TMEM132D: variants seen among roughly 807,000 people sequenced by gnomAD.
TMEM132D encodes the protein transmembrane protein 132D, also known as mature OL transmembrane protein.
In TMEM132D, 21 loss-of-function variants were observed where a neutral mutation model predicts 62.3. That is an observed-to-expected ratio of 0.34 (90% CI 0.24 to 0.49). The LOEUF is 0.49. Among genes scored for constraint, TMEM132D ranks in the 20% least tolerant of loss-of-function variants. The pLI is 0.99. For missense variants in TMEM132D, 1,346 were observed against 1,402.8 expected, an observed-to-expected ratio of 0.96 and a Z score of 0.65; for synonymous variants, 621 against 575.6, an observed-to-expected ratio of 1.08 and a Z score of -1.13.
At chr12:129,853,520 A>G (rs1423926890) in intron 1 of TMEM132D, 1 of 152,154 alleles carries the variant, frequency 6.6e-6, no homozygotes, top group Non-Finnish European at 1.5e-5. Context: ...TTTAGTCTAA[A>G]GCTTCTTCCC....
chr12:129,391,135 T>C (rs140998796), intron 3 of TMEM132D, among the ~76,000 whole-genome samples: 1 of 152,386 alleles, frequency 6.6e-6, no homozygotes, highest in Non-Finnish European at 1.5e-5. Context: ...GTTAATGCAC[T>C]TCTTGCAATT....
At chr12:129,318,999 C>G (rs369447111) in intron 4 of TMEM132D, among the ~76,000 whole-genome samples, 2 of 152,192 alleles carry the variant, frequency 1.3e-5, no homozygotes, top group Non-Finnish European at 2.9e-5. Flanking sequence ...TGTCTCCAGG[C>G]GGAGGGTGAG....
intron 1 of TMEM132D, among the ~76,000 whole-genome samples, chr12:129,842,008 G>T (rs1443455432): frequency 1.4e-5 from 2 of 148,010 alleles, no homozygotes; most frequent in Non-Finnish European, 3.0e-5. Context: ...TCGGCTCACT[G>T]CAAGCTCTGC....
At chr12:129,796,720 G>A (rs957901727) in intron 1 of TMEM132D, among the ~76,000 whole-genome samples, 4 of 152,208 alleles carry the variant, frequency 2.6e-5, no homozygotes, top group African/African-American at 7.2e-5. Context: ...CACACACCAG[G>A]GCCTGTTGGA....
At chr12:129,613,236 C>T (rs911166248) in intron 2 of TMEM132D, among the ~76,000 whole-genome samples, 2 of 152,008 alleles carry the variant, frequency 1.3e-5, no homozygotes, top group Admixed American at 1.3e-4. Context: ...TTAGAAAGCA[C>T]CTGACTTCTA....
At chr12:129,710,560 C>G (rs551627461) in intron 1 of TMEM132D, among the ~76,000 whole-genome samples, 17 of 152,242 alleles carry the variant, frequency 1.1e-4, no homozygotes, top group African/African-American at 3.9e-4. Context: ...GCTTCCTAAG[C>G]TGCTGGGATT....
rs539624444 is a variant in TMEM132D, at chr12:129,306,274, T to C, written c.1299+31360A>G. 2.0e-4 allele frequency among the ~76,000 whole-genome samples: 31 copies of C among 152,340 alleles called. No homozygotes were observed. In the South Asian group the frequency reaches 5.8e-3, roughly 29 times the overall value. Reference sequence around the variant, plus strand: ...AAATTAAGAAAGTTTGATAATATTATCTCATTTGTAGATGAAGAAATTCAA... The same window carrying C: ...AAATTAAGAAAGTTTGATAATATTACCTCATTTGTAGATGAAGAAATTCAA... On this transcript the variant is annotated intron_variant, in intron 4 of 8. Coordinates refer to ENST00000422113, the MANE Select transcript of TMEM132D (RefSeq NM_133448.3).
chr12:129,546,766 A>G (rs1357160807), intron 2 of TMEM132D, among the ~76,000 whole-genome samples: 1 of 151,348 alleles, frequency 6.6e-6, no homozygotes, highest in South Asian at 2.1e-4. Flanking sequence ...ATGCCACCGT[A>G]CTCCAGCCTG....
chr12:129,742,140 G>A (rs550466662), intron 1 of TMEM132D, among the ~76,000 whole-genome samples: 2 of 152,310 alleles, frequency 1.3e-5, no homozygotes, highest in South Asian at 4.1e-4. Flanking sequence ...CGAGTTTTAA[G>A]GTTCAAATAC....
intron 4 of TMEM132D, among the ~76,000 whole-genome samples, chr12:129,289,310 G>A (rs1282536694): frequency 2.0e-5 from 3 of 152,066 alleles, no homozygotes; most frequent in Non-Finnish European, 2.9e-5. Flanking sequence ...TTGGGAGGCC[G>A]AGGCAGGCAG....
At chr12:129,794,569 A>G (rs1871505187) in intron 1 of TMEM132D, among the ~76,000 whole-genome samples, 1 of 152,226 alleles carries the variant, frequency 6.6e-6, no homozygotes, top group African/African-American at 2.4e-5. Flanking sequence ...GTAACATTAT[A>G]GATTAATTCC....
In TMEM132D at chr12:129,640,193, T is replaced by C. The variant is rs529777721; in HGVS notation, c.968+59617A>G. On this transcript the variant is annotated intron_variant, in intron 2 of 8. Transcript: ENST00000422113. ...GCTTCAGGGGCCTGCACCCTTTTTC[T>C]GGAAAGAGCCAGATGGTAAATATAT... Among the ~76,000 whole-genome samples the C allele has an allele frequency of 1.7e-3, 260 of 152,202 alleles. 2 individuals are homozygous for C. The highest frequency in any genetic ancestry group is 5.8e-3 in the African/African-American group (240 of 41,512).
chr12:129,311,957 T>C (rs1765828689), intron 4 of TMEM132D, among the ~76,000 whole-genome samples: 1 of 152,206 alleles, frequency 6.6e-6, no homozygotes, highest in Non-Finnish European at 1.5e-5. Flanking sequence ...CTTTGAATTT[T>C]ATTCTAAGTG....
chr12:129,486,541 C>G (rs1874584771), intron 3 of TMEM132D, among the ~76,000 whole-genome samples: 1 of 152,088 alleles, frequency 6.6e-6, no homozygotes, highest in African/African-American at 2.4e-5. Context: ...TTCCAAGGTC[C>G]CAAGCTAATA....
At chr12:129,727,137 C>G (rs948320413) in intron 1 of TMEM132D, among the ~76,000 whole-genome samples, 3 of 152,204 alleles carry the variant, frequency 2.0e-5, no homozygotes, top group Admixed American at 1.3e-4. Context: ...GTATGATTGT[C>G]CCTATTTTGG....
intron 3 of TMEM132D, among the ~76,000 whole-genome samples, chr12:129,488,808 G>A (rs1231192437): frequency 1.3e-5 from 2 of 151,822 alleles, no homozygotes. Flanking sequence ...TTCAGGCCAT[G>A]AGCAAACTTT....
chr12:129,257,364 G>A lies in TMEM132D; in HGVS notation c.1300-47701C>T, dbSNP rs796335265. On this transcript the variant is annotated intron_variant, in intron 4 of 8. Coordinates refer to ENST00000422113, the MANE Select transcript of TMEM132D (RefSeq NM_133448.3). ...TGGGACTACAGGCGCCCGCCACCACGACCGGCTAATTTCTTTTTGTATTTT... is the reference window on the plus strand; with the variant it reads ...TGGGACTACAGGCGCCCGCCACCACAACCGGCTAATTTCTTTTTGTATTTT... 2.0e-4 allele frequency among the ~76,000 whole-genome samples: 31 copies of A among 151,924 alleles called. No individual in the cohort carries two copies. The East Asian group carries it at 3.5e-3, about 17-fold the overall frequency.
chr12:129,473,062 A>G (rs1017645330), intron 3 of TMEM132D, among the ~76,000 whole-genome samples: 1 of 151,918 alleles, frequency 6.6e-6, no homozygotes, highest in African/African-American at 2.4e-5. Flanking sequence ...AAGGGGTTTC[A>G]CCATGTTGGT....
rs553325881 is a variant in TMEM132D at position 129,525,077 on chromosome 12, C to T, written c.1115+5982G>A. ...TGTAGCTGGGACTACAGGCGCCCGC[C>T]ACCACACTCAGCTAATTTATTTGTA... is the stretch of plus-strand genomic sequence containing the variant. On this transcript the variant is annotated intron_variant, in intron 3 of 8. Coordinates refer to ENST00000422113, the MANE Select transcript of TMEM132D (RefSeq NM_133448.3). 4.8e-3 allele frequency among the ~76,000 whole-genome samples: 715 copies of T among 149,746 alleles called. 6 individuals are homozygous for T. The highest frequency in any genetic ancestry group is 8.0e-3 in the Non-Finnish European group (536 of 67,332).
Sources: gnomAD v4.1 joint callset for allele counts (sites outside exome capture counted in the v4.1 genomes callset) on GRCh38, gnomAD v4.1.1 for gene constraint, MANE v1.5 for transcripts, NCBI Gene and HGNC (gene_info 2026-07-23, HGNC 2026-07-21) for gene names.